SLC7A13: variants seen among roughly 807,000 people sequenced by gnomAD.
The protein encoded by SLC7A13 is solute carrier family 7 member 13.
In SLC7A13, 31 loss-of-function variants were observed where a neutral mutation model predicts 32.0. That is an observed-to-expected ratio of 0.97 (90% CI 0.73 to 1.31). The LOEUF is 1.31. Ranked by LOEUF, SLC7A13 falls within the 50% of genes most tolerant of loss-of-function variation. The pLI, the probability that SLC7A13 is intolerant of heterozygous loss-of-function variation, is 0.00. For missense variants in SLC7A13, 633 were observed against 546.9 expected (o/e 1.16, Z -1.57); for synonymous variants, 232 against 206.9 (o/e 1.12, Z -1.04).
intron 3 of SLC7A13, among the ~76,000 whole-genome samples, chr8:86,214,932 G>C: frequency 6.6e-6 from 1 of 152,092 alleles, no homozygotes; most frequent in Non-Finnish European, 1.5e-5. Flanking sequence ...CTACTGATCT[G>C]GGTACCATGA....
In SLC7A13 at chr8:86,217,503, T is replaced by G. The variant is rs140915018; in HGVS notation, c.1146A>C (p.Arg382Ser). 175 of 1,594,162 alleles carry G rather than the reference T, an allele frequency of 1.1e-4. No individual in the cohort carries two copies. The African/African-American group carries it at 2.0e-3, about 18-fold the overall frequency. Reference sequence around the variant, plus strand: ...GTATAGATAGATTGGGTTCCTGGTATCTCCGCCTTAGTATTCCTATCATTA... The same window carrying G: ...GTATAGATAGATTGGGTTCCTGGTAGCTCCGCCTTAGTATTCCTATCATTA... ...ILLMIGILRR[R>S]YQEPNLSIPY... is the part of the protein sequence containing the mutation. Residue 382 changes from arginine to serine, a missense_variant, in exon 3 of 4, where the codon AGA (arginine) becomes AGC (serine). Transcript: ENST00000297524.
intron 2 of SLC7A13, among the ~76,000 whole-genome samples, chr8:86,222,682 C>A (rs1232181719): frequency 6.6e-6 from 1 of 152,068 alleles, no homozygotes; most frequent in Non-Finnish European, 1.5e-5. Context: ...CAGTGTCACT[C>A]TAGTGAGATG....
At chr8:86,223,242 G>T in intron 1 of SLC7A13, 139 bp from the exon 2 acceptor site, 1 of 794,094 alleles carries the variant, frequency 1.3e-6, no homozygotes, top group Non-Finnish European at 1.8e-6. Flanking sequence ...TTGTGTGGTG[G>T]TCAAATCAGA....
intron 2 of SLC7A13, among the ~76,000 whole-genome samples, chr8:86,219,465 G>T (rs1449663790): frequency 1.3e-5 from 2 of 152,044 alleles, no homozygotes; most frequent in Non-Finnish European, 2.9e-5. Context: ...ATATGTTTTA[G>T]GTGAAAAGTA....
At position 86,229,722 on chromosome 8, in the gene SLC7A13, T is replaced by C. The variant is rs1325071738; in HGVS notation, c.556A>G (p.Lys186Glu). 3 of 1,614,196 alleles carry C rather than the reference T, an allele frequency of 1.9e-6. No individual in the cohort carries two copies. Among genetic ancestry groups the C allele is most frequent in the South Asian group, 1.1e-5 (1 of 91,086 alleles). ...LTGVVFLIRG[K>E]KENVERFQNA... ...TGAAATCGTTCTACATTCTCCTTTT[T>C]CCCTCTTATCAGGAACACTACTCCA... Residue 186 changes from lysine to glutamate, a missense_variant, in exon 1 of 4, where the codon AAA (lysine) becomes GAA (glutamate). Lys to Glu is a moderately conservative substitution (Grantham distance 56). Transcript: ENST00000297524.
chr8:86,229,922 C>T lies in SLC7A13; in HGVS notation c.356G>A (p.Ser119Asn), dbSNP rs753733169. ...AGQALLLAEYSIQPFFPSCSV... is the reference protein window; with the variant it reads ...AGQALLLAEYNIQPFFPSCSV... Reference sequence around the variant, plus strand: ...GCAGCTGGGAAAAAAAGGCTGGATGCTGTACTCAGCAAGGAGCAGAGCTTG... The same window carrying T: ...GCAGCTGGGAAAAAAAGGCTGGATGTTGTACTCAGCAAGGAGCAGAGCTTG... The change falls in exon 1 of 4, where the codon AGC (serine) becomes AAC (asparagine). Residue 119 changes from serine (S) to asparagine (N), a missense_variant. Transcript: ENST00000297524. 6.2e-7 allele frequency: 1 copy of T among 1,614,176 alleles called. No homozygotes were observed.
rs1047037088 is a variant in SLC7A13 at position 86,214,262 on chromosome 8, A to G, written c.*151T>C. 21 of 570,782 alleles carry G rather than the reference A, an allele frequency of 3.7e-5. No individual in the cohort carries two copies. Among genetic ancestry groups the G allele is most frequent in the Non-Finnish European group, 6.1e-5 (20 of 327,910 alleles). The allele number at this position is 570,782 out of a possible 1,614,324, so 35.4% of individuals were successfully genotyped here. ...TCTGAAGCCAGGTACTGTCTTAGGCACTTTTGTATACATTACTTATTTCAT... is the reference window on the plus strand; with the variant it reads ...TCTGAAGCCAGGTACTGTCTTAGGCGCTTTTGTATACATTACTTATTTCAT... On this transcript the variant is annotated 3_prime_UTR_variant, in exon 4 of 4. Coordinates refer to ENST00000297524, the MANE Select transcript of SLC7A13 (RefSeq NM_138817.3).
intron 2 of SLC7A13, among the ~76,000 whole-genome samples, chr8:86,222,494 T>C (rs968588891): frequency 6.6e-6 from 1 of 152,192 alleles, no homozygotes. Flanking sequence ...GAGTTGTTCA[T>C]GGTAAACCGT....
chr8:86,224,881 AT>A (rs1176823736), intron 1 of SLC7A13, among the ~76,000 whole-genome samples: 6 of 152,054 alleles, frequency 3.9e-5, no homozygotes, highest in Non-Finnish European at 5.9e-5. Context: ...GAACTTCCCT[AT>A]TTTTTTCATA....
intron 3 of SLC7A13, chr8:86,215,785 T>C: frequency 3.2e-6 from 1 of 316,696 alleles, no homozygotes; most frequent in Non-Finnish European, 6.3e-6. Context: ...GTATCAGTTA[T>C]CAAATAACTG....
Position 86,229,650 on chromosome 8 carries a change from C to CT in SLC7A13, c.627dup (p.Ala210SerfsTer48). The CT allele has an allele frequency of 1.2e-6, 2 of 1,614,066 alleles. No individual in the cohort carries two copies. The highest frequency in any genetic ancestry group is 1.7e-6 in the Non-Finnish European group (2 of 1,180,024). ...TATGCAAAATATCCTTGGAAGATGG[C>CT]TTGTATAAGGTGAGAGATATCTGGA... On this transcript the variant is annotated frameshift_variant, in exon 1 of 4. Transcript: ENST00000297524. LOFTEE classifies it high-confidence loss of function.
In SLC7A13 at chr8:86,217,572, C is replaced by G; in HGVS notation, c.1077G>C (p.Leu359Phe). The G allele has an allele frequency of 6.2e-7, 1 of 1,612,964 alleles. No homozygotes were observed. The highest frequency in any genetic ancestry group is 8.5e-7 in the Non-Finnish European group (1 of 1,179,524). Residue 359 changes from leucine to phenylalanine, a missense_variant, in exon 3 of 4, where the codon TTG becomes TTC. Transcript: ENST00000297524. ...AACCCGTGAAAAAAATATAGTTTAT[C>G]AAATCAATTAGACTTGTTAAGATAA... is the stretch of plus-strand genomic sequence containing the variant. ...LAIILTSLID[L>F]INYIFFTGSL... is the part of the protein sequence containing the mutation.
intron 3 of SLC7A13, among the ~76,000 whole-genome samples, 199 bp downstream of exon 3, chr8:86,217,271 G>T (rs1031271852): frequency 6.6e-6 from 1 of 151,912 alleles, no homozygotes; most frequent in African/African-American, 2.4e-5. Context: ...ACCGTTAAAT[G>T]GAATCTAAGA....
intron 1 of SLC7A13, among the ~76,000 whole-genome samples, chr8:86,227,586 C>T (rs1162343637): frequency 1.3e-5 from 2 of 152,152 alleles, no homozygotes; most frequent in Non-Finnish European, 2.9e-5. Context: ...TCCACTACTG[C>T]GTCTCTACCC....
chr8:86,216,477 A>T (rs1051828187), intron 3 of SLC7A13, among the ~76,000 whole-genome samples: 13 of 152,218 alleles, frequency 8.5e-5, no homozygotes, highest in Non-Finnish European at 1.5e-4. Flanking sequence ...GTACCTAGCA[A>T]GGTGCTTAAA....
Position 86,230,352 on chromosome 8 carries a change from G to T in SLC7A13, c.-75C>A. 7.9e-7 allele frequency: 1 copy of T among 1,272,292 alleles called. No homozygotes were observed. Among genetic ancestry groups the T allele is most frequent in the Non-Finnish European group, 1.1e-6 (1 of 936,204 alleles). 78.8% of individuals were successfully genotyped at this position (1,272,292 alleles called of 1,614,324 possible). On this transcript the variant is annotated 5_prime_UTR_variant, in exon 1 of 4. Transcript: ENST00000297524. ...TCCTGCCTATGTAGCTGCAAAGGAT[G>T]TTGATGGATTCCTGAAATAAAATAA...
At chr8:86,227,791 G>A (rs2976185) in intron 1 of SLC7A13, among the ~76,000 whole-genome samples, 78,520 of 151,952 alleles carry the variant, frequency 0.52, 22,097 homozygotes, top group African/African-American at 0.73. Flanking sequence ...TTCCAGCAAT[G>A]TGGATGCAAC....
At chr8:86,229,502 A>T (rs1326253557) in intron 1 of SLC7A13, 91 bp downstream of exon 1, 1 of 1,183,536 alleles carries the variant, frequency 8.4e-7, no homozygotes, top group Non-Finnish European at 1.2e-6. Flanking sequence ...ACATTAAATC[A>T]TTTAAGACTC....
In SLC7A13 at chr8:86,217,632, A is replaced by G. The variant is rs1185614101; in HGVS notation, c.1017T>C (p.Ala339=). The stretch of plus-strand genomic sequence containing the variant: ...ATCCCAAAGTGACAAGTAGTAGCAC[A>G]GCTGTAAATGGAGAAGAGTGACTAT... ...TLNSHSSPFT[A]VLLLVTLGSL... The change falls in exon 3 of 4, where the codon GCT becomes GCC. Residue 339 remains alanine (A), a synonymous_variant. Transcript: ENST00000297524. 1 of 1,613,468 alleles carries G rather than the reference A, an allele frequency of 6.2e-7. No homozygotes were observed.
Sources: gnomAD v4.1 joint callset for allele counts (sites outside exome capture counted in the v4.1 genomes callset) on GRCh38, gnomAD v4.1.1 for gene constraint, MANE v1.5 for transcripts, NCBI Gene and HGNC (gene_info 2026-07-23, HGNC 2026-07-21) for gene names.